Variants in TRHDE observed in about 807,000 individuals in gnomAD.
TRHDE encodes thyrotropin-releasing hormone-degrading ectoenzyme.
TRHDE carries 72 observed loss-of-function variants against 125.7 expected under a neutral mutation model. That is an observed-to-expected ratio of 0.57 (90% CI 0.47 to 0.70). The LOEUF (loss-of-function observed/expected upper bound fraction) is 0.70. Among genes scored for constraint, TRHDE ranks in the 30% least tolerant of loss-of-function variants. TRHDE has a pLI of 0.00. For missense variants in TRHDE, 1,110 were observed against 1,327.1 expected (o/e 0.84, Z 2.54); for synonymous variants, 509 against 509.1 (o/e 1.00, Z 0.00).
intron 1 of TRHDE, among the ~76,000 whole-genome samples, chr12:72,283,273 A>G (rs1171353852): frequency 1.3e-5 from 2 of 152,142 alleles, no homozygotes; most frequent in Non-Finnish European, 2.9e-5. Flanking sequence ...TCTTTAAAAA[A>G]CCAATCACAC....
At chr12:72,174,688 T>A (rs867741911) in intron 2 of TRHDE, among the ~76,000 whole-genome samples, 3 of 152,168 alleles carry the variant, frequency 2.0e-5, no homozygotes, top group Middle Eastern at 3.2e-3. Context: ...ATGATTAGAT[T>A]TAAGTAATGT....
At chr12:72,565,438 A>G (rs1480687792) in intron 9 of TRHDE, among the ~76,000 whole-genome samples, 1 of 152,224 alleles carries the variant, frequency 6.6e-6, no homozygotes, top group Non-Finnish European at 1.5e-5. Context: ...GAATAGTCAC[A>G]TAAAGTTAGC....
chr12:72,567,383 A>T (rs1370745970), intron 9 of TRHDE, among the ~76,000 whole-genome samples: 1 of 151,900 alleles, frequency 6.6e-6, no homozygotes, highest in Non-Finnish European at 1.5e-5. Context: ...TTGATTTTCC[A>T]TACTGGAGAT....
chr12:72,643,868 TA>T (rs569823039), intron 15 of TRHDE, among the ~76,000 whole-genome samples: 3 of 152,114 alleles, frequency 2.0e-5, no homozygotes, highest in Admixed American at 6.6e-5. Context: ...TGTGGATTTT[TA>T]AAAAAAGTAA....
At chr12:72,308,091 C>T (rs967580326) in intron 2 of TRHDE, among the ~76,000 whole-genome samples, 1 of 151,708 alleles carries the variant, frequency 6.6e-6, no homozygotes, top group Non-Finnish European at 1.5e-5. Context: ...TCTTTAAGAT[C>T]ATCCTCTAGT....
At chr12:72,125,560 T>C (rs1875693819) in intron 2 of TRHDE, among the ~76,000 whole-genome samples, 1 of 152,228 alleles carries the variant, frequency 6.6e-6, no homozygotes, top group Non-Finnish European at 1.5e-5. Flanking sequence ...CTCCTATGTA[T>C]TTAATGTATT....
chr12:72,633,966 TGAG>T (rs952930082), intron 15 of TRHDE, among the ~76,000 whole-genome samples: 1 of 152,078 alleles, frequency 6.6e-6, no homozygotes, highest in Non-Finnish European at 1.5e-5. Flanking sequence ...ATAAAAATAA[TGAG>T]GAGGAGGAGT....
intron 6 of TRHDE, among the ~76,000 whole-genome samples, chr12:72,501,068 G>A (rs1878135193): frequency 1.3e-5 from 2 of 151,754 alleles, no homozygotes; most frequent in Non-Finnish European, 2.9e-5. Context: ...TATCAATGAT[G>A]TAGTTCTCAG....
At chr12:72,106,283 C>T (rs1218977945) in intron 2 of TRHDE, among the ~76,000 whole-genome samples, 1 of 151,968 alleles carries the variant, frequency 6.6e-6, no homozygotes, top group Non-Finnish European at 1.5e-5. Flanking sequence ...AAATTGTCTA[C>T]TTTAAAAGTT....
intron 2 of TRHDE, among the ~76,000 whole-genome samples, chr12:72,360,476 A>G (rs1871017441): frequency 6.6e-6 from 1 of 151,824 alleles, no homozygotes; most frequent in African/African-American, 2.4e-5. Flanking sequence ...GAGAGTCAAT[A>G]AACATATAAA....
At chr12:72,397,296 A>C (rs941527619) in intron 3 of TRHDE, among the ~76,000 whole-genome samples, 1 of 152,186 alleles carries the variant, frequency 6.6e-6, no homozygotes, top group African/African-American at 2.4e-5. Flanking sequence ...TTTCGCTGCT[A>C]TTCCAAGTCA....
intron 3 of TRHDE, among the ~76,000 whole-genome samples, chr12:72,402,407 T>C (rs1873081353): frequency 1.3e-5 from 2 of 152,184 alleles, no homozygotes; most frequent in Non-Finnish European, 2.9e-5. Flanking sequence ...ATCCCATGCC[T>C]CTCTCTTGGC....
intron 15 of TRHDE, among the ~76,000 whole-genome samples, chr12:72,625,615 C>T (rs1455519772): frequency 6.6e-6 from 1 of 151,822 alleles, no homozygotes; most frequent in African/African-American, 2.4e-5. Flanking sequence ...ATTTTCTTTA[C>T]TATATTGAGC....
chr12:72,408,023 T>C (rs183459764), intron 3 of TRHDE, among the ~76,000 whole-genome samples: 1 of 152,280 alleles, frequency 6.6e-6, no homozygotes, highest in African/African-American at 2.4e-5. Context: ...AAGCCCAAGA[T>C]GGAGGAGCCA....
chr12:72,423,399 T>A (rs1006483060), intron 3 of TRHDE, among the ~76,000 whole-genome samples: 6 of 152,206 alleles, frequency 3.9e-5, no homozygotes, highest in South Asian at 2.1e-4. Flanking sequence ...TTGAGCTACT[T>A]TTCTTCTCTC....
chr12:72,332,431 G>A (rs945554427), intron 2 of TRHDE, among the ~76,000 whole-genome samples: 4 of 152,050 alleles, frequency 2.6e-5, no homozygotes, highest in Non-Finnish European at 5.9e-5. Context: ...GAGCCACTGC[G>A]CTCGGCCCCA....
chr12:72,191,142 C>T (rs1223473700), intron 2 of TRHDE, among the ~76,000 whole-genome samples: 1 of 152,158 alleles, frequency 6.6e-6, no homozygotes, highest in Non-Finnish European at 1.5e-5. Flanking sequence ...ACTGGTCTTA[C>T]CATGTACTAT....
intron 6 of TRHDE, among the ~76,000 whole-genome samples, chr12:72,503,756 G>A (rs893648762): frequency 2.0e-5 from 3 of 152,010 alleles, no homozygotes; most frequent in Non-Finnish European, 2.9e-5. Flanking sequence ...CATCTCATAC[G>A]GGCCTCAATC....
At chr12:72,155,808 G>A (rs1205890000) in intron 2 of TRHDE, among the ~76,000 whole-genome samples, 1 of 152,182 alleles carries the variant, frequency 6.6e-6, no homozygotes, top group Non-Finnish European at 1.5e-5. Flanking sequence ...CCCTACTGGG[G>A]GGTGCCTCCC....
Sources: gnomAD v4.1 joint callset for allele counts (sites outside exome capture counted in the v4.1 genomes callset) on GRCh38, gnomAD v4.1.1 for gene constraint, MANE v1.5 for transcripts, NCBI Gene and HGNC (gene_info 2026-07-23, HGNC 2026-07-21) for gene names.